EFL1: variants seen among roughly 807,000 people sequenced by gnomAD.
EFL1 encodes the protein elongation factor like GTPase 1, also known as elongation factor-like GTPase 1.
In EFL1, 76 loss-of-function variants were observed where a neutral mutation model predicts 126.7. That is an observed-to-expected ratio of 0.60 (90% confidence interval 0.50 to 0.73). The LOEUF (loss-of-function observed/expected upper bound fraction) is 0.73, where lower values mean the gene tolerates loss of function less well. EFL1 is among the 30% of genes least tolerant of loss of function. EFL1 has a pLI of 0.00. For missense variants in EFL1, 1,128 were observed against 1,343.2 expected, an observed-to-expected ratio of 0.84 and a Z score of 2.50; for synonymous variants, 410 against 448.4, an observed-to-expected ratio of 0.91 and a Z score of 1.08.
intron 7 of EFL1, among the ~76,000 whole-genome samples, chr15:82,237,810 G>T (rs1218040984): frequency 2.0e-5 from 3 of 150,976 alleles, no homozygotes; most frequent in African/African-American, 7.3e-5. Flanking sequence ...TCCACACCAT[G>T]GAATACTACT....
intron 14 of EFL1, among the ~76,000 whole-genome samples, chr15:82,217,130 C>G (rs1387828245): frequency 6.6e-6 from 1 of 151,942 alleles, no homozygotes; most frequent in Non-Finnish European, 1.5e-5. Context: ...ATATACCCAT[C>G]AGACTGGCAC....
At chr15:82,174,836 T>C (rs556146334) in intron 15 of EFL1, among the ~76,000 whole-genome samples, 1 of 152,314 alleles carries the variant, frequency 6.6e-6, no homozygotes, top group East Asian at 1.9e-4. Context: ...CCATTTGCAA[T>C]GATCACTTTT....
chr15:82,253,095 A>G (rs4270132), intron 3 of EFL1, among the ~76,000 whole-genome samples: 101,299 of 151,712 alleles, frequency 0.67, 35,644 homozygotes, highest in African/African-American at 0.9. Context: ...CTGGAATGCA[A>G]TGGTACAATC....
At chr15:82,158,430 C>T (rs1243576475) in intron 16 of EFL1, among the ~76,000 whole-genome samples, 1 of 152,070 alleles carries the variant, frequency 6.6e-6, no homozygotes, top group Non-Finnish European at 1.5e-5. Flanking sequence ...TTGCTTTTTC[C>T]TGGGAGTTGA....
In EFL1 at chr15:82,151,994, A is replaced by G; in HGVS notation, c.2460T>C (p.Val820=). The G allele has an allele frequency of 6.2e-7, 1 of 1,614,156 alleles. No homozygotes were observed. Among genetic ancestry groups the G allele is most frequent in the Non-Finnish European group, 8.5e-7 (1 of 1,180,038 alleles). The change falls in exon 18 of 20, where the codon GTT becomes GTC. Residue 820 remains valine, a synonymous_variant. Coordinates refer to ENST00000268206, the MANE Select transcript of EFL1 (RefSeq NM_024580.6). ...HLTGRRWRNI[V]DQIWSFGPRK... The stretch of plus-strand genomic sequence containing the variant: ...TTGGGCCAAATGACCAGATTTGGTC[A>G]ACAATGTTCCTCCATCTTCTCCCTG...
In EFL1 at chr15:82,245,227, C is replaced by A. The variant is rs144549145; in HGVS notation, c.245-3824G>T. Among the ~76,000 whole-genome samples the A allele has an allele frequency of 4.6e-5, 7 of 152,198 alleles. No homozygotes were observed. The East Asian group carries it at 1.4e-3, about 29-fold the overall frequency. On this transcript the variant is annotated intron_variant, in intron 4 of 19. Coordinates refer to ENST00000268206, the MANE Select transcript of EFL1 (RefSeq NM_024580.6). Reference sequence around the variant, plus strand: ...GATGCAGTGGCACAATCATAGCTCACTGCAGCCTCAAATTCCTGGGCTCAA... The same window carrying A: ...GATGCAGTGGCACAATCATAGCTCAATGCAGCCTCAAATTCCTGGGCTCAA...
At chr15:82,148,971 CT>C (rs11326948) in intron 18 of EFL1, among the ~76,000 whole-genome samples, 120,576 of 149,810 alleles carry the variant, frequency 0.8, 48,652 homozygotes, top group African/African-American at 0.86. Flanking sequence ...CTAACCTAAG[CT>C]TTTTTTTTTT....
rs74249838 is a variant in EFL1 at position 82,143,919 on chromosome 15, T to G, written c.2990-5077A>C. Among the ~76,000 whole-genome samples, 43 of 152,212 alleles carry G rather than the reference T, an allele frequency of 2.8e-4. No individual in the cohort carries two copies. The East Asian group carries it at 8.3e-3, about 29-fold the overall frequency. On this transcript the variant is annotated intron_variant, in intron 18 of 19. Transcript: ENST00000268206. Reference sequence around the variant, plus strand: ...TCTTGTTATGTTCCCACAGCTAGATTTGAATTCCTGGGCTCAAGCGATCTC... The same window carrying G: ...TCTTGTTATGTTCCCACAGCTAGATGTGAATTCCTGGGCTCAAGCGATCTC...
At chr15:82,183,801 T>C (rs1311145789) in intron 15 of EFL1, among the ~76,000 whole-genome samples, 4 of 152,178 alleles carry the variant, frequency 2.6e-5, no homozygotes, top group African/African-American at 4.8e-5. Flanking sequence ...AGCATTAAAA[T>C]AAAACCAAGC....
At chr15:82,150,156 C>T (rs1460539325) in intron 18 of EFL1, among the ~76,000 whole-genome samples, 1 of 152,162 alleles carries the variant, frequency 6.6e-6, no homozygotes, top group African/African-American at 2.4e-5. Flanking sequence ...ACAATGCATA[C>T]TGGCCTTAAC....
At chr15:82,224,649 G>A (rs1266556525) in intron 12 of EFL1, among the ~76,000 whole-genome samples, 2 of 152,152 alleles carry the variant, frequency 1.3e-5, no homozygotes, top group Non-Finnish European at 2.9e-5. Context: ...TAAACTAGTG[G>A]GGAAAGCAGC....
chr15:82,182,797 C>G (rs2074265329), intron 15 of EFL1, among the ~76,000 whole-genome samples: 1 of 151,674 alleles, frequency 6.6e-6, no homozygotes, highest in Admixed American at 6.6e-5. Flanking sequence ...TGTACTCCAG[C>G]CTGGGCGACA....
chr15:82,209,316 G>GACACACACAC lies in EFL1; in HGVS notation c.1750+5391_1750+5400dup, dbSNP rs57128885. On this transcript the variant is annotated intron_variant, in intron 15 of 19. Coordinates refer to ENST00000268206, the MANE Select transcript of EFL1 (RefSeq NM_024580.6). ...GACTAAGGATTCACACACAGACACA[G>GACACACACAC]ACACACACACACACACACACACACA... Among the ~76,000 whole-genome samples, 881 of 146,312 alleles carry GACACACACAC rather than the reference G, an allele frequency of 6.0e-3. 10 individuals carry two copies. The highest frequency in any genetic ancestry group is 0.013 in the East Asian group (64 of 4,964).
At position 82,219,530 on chromosome 15, in the gene EFL1, A is replaced by T. The variant is rs2074685678; in HGVS notation, c.1611+122T>A. ...AACACAAAAGGATACACAGTCACTC[A>T]AGTGTGCCTTTCCAGAGACAAACTA... On this transcript the variant is annotated intron_variant, in intron 14 of 19. Coordinates refer to ENST00000268206, the MANE Select transcript of EFL1 (RefSeq NM_024580.6). 3 of 1,042,576 alleles carry T rather than the reference A, an allele frequency of 2.9e-6. No homozygotes were observed. In the South Asian group the frequency reaches 5.2e-5, roughly 18 times the overall value. 64.6% of individuals were successfully genotyped at this position (1,042,576 alleles called of 1,614,324 possible).
chr15:82,174,675 G>A (rs148834744), intron 15 of EFL1, among the ~76,000 whole-genome samples: 1 of 152,260 alleles, frequency 6.6e-6, no homozygotes, highest in Non-Finnish European at 1.5e-5. Context: ...GTTAACCAAG[G>A]TTCTGAGAGT....
chr15:82,257,529 T>C (rs1405977246), intron 3 of EFL1, among the ~76,000 whole-genome samples: 1 of 152,200 alleles, frequency 6.6e-6, no homozygotes, highest in African/African-American at 2.4e-5. Flanking sequence ...AAAAGTTTCC[T>C]AGTCAAGAGA....
In EFL1 at chr15:82,162,915, A is replaced by G. The variant is rs536757295; in HGVS notation, c.1882+938T>C. Reference sequence around the variant, plus strand: ...ATTTGTCCTTTGGTTTCCCTAAGGCATGGTCTGGAGATTCTTCACTGACAA... The same window carrying G: ...ATTTGTCCTTTGGTTTCCCTAAGGCGTGGTCTGGAGATTCTTCACTGACAA... On this transcript the variant is annotated intron_variant, in intron 16 of 19. Coordinates refer to ENST00000268206, the MANE Select transcript of EFL1 (RefSeq NM_024580.6). Among the ~76,000 whole-genome samples the G allele has an allele frequency of 2.0e-5, 3 of 152,372 alleles. No homozygotes were observed. The East Asian group carries it at 5.8e-4, about 29-fold the overall frequency.
chr15:82,251,668 T>G (rs2075022833), intron 4 of EFL1, among the ~76,000 whole-genome samples: 1 of 152,104 alleles, frequency 6.6e-6, no homozygotes, highest in African/African-American at 2.4e-5. Flanking sequence ...CGTTAAACAT[T>G]AAACATCGAG....
At chr15:82,226,030 T>G (rs2074760059) in intron 11 of EFL1, among the ~76,000 whole-genome samples, 1 of 152,100 alleles carries the variant, frequency 6.6e-6, no homozygotes. Flanking sequence ...AGTGGAAGCT[T>G]TGAATGAGGA....
Sources: allele counts gnomAD v4.1 joint callset (sites outside exome capture counted in the v4.1 genomes callset), GRCh38; gene constraint gnomAD v4.1.1; transcripts MANE v1.5; gene names NCBI Gene and HGNC (gene_info 2026-07-23, HGNC 2026-07-21).